DPH6: variants seen among roughly 807,000 people sequenced by gnomAD.
DPH6 encodes the protein diphthamine biosynthesis 6.
Under a neutral mutation model 38.2 loss-of-function variants are expected in DPH6, and 33 were observed. The observed-to-expected ratio is 0.86, with a 90% CI of 0.65 to 1.15. DPH6 has a LOEUF of 1.15. DPH6 is among the 50% of genes most tolerant of loss of function. The pLI is 0.00. For synonymous variants in DPH6, 108 were observed against 103.0 expected, an observed-to-expected ratio of 1.05 and a Z score of -0.30; for missense variants, 325 against 320.0, an observed-to-expected ratio of 1.02 and a Z score of -0.12.
chr15:35,489,595 A>G (rs1040583746), intron 3 of DPH6: 14 of 982,564 alleles, frequency 1.4e-5, no homozygotes, highest in Non-Finnish European at 1.7e-5. Context: ...AAAAATACCT[A>G]CCCAAGAGCA....
intron 3 of DPH6, chr15:35,237,597 C>G (rs975859271): frequency 6.3e-7 from 1 of 1,592,466 alleles, no homozygotes; most frequent in Non-Finnish European, 8.6e-7. Flanking sequence ...CCGAACCTCA[C>G]GCATCTAAAT....
At chr15:35,200,169 T>C in the DPH6 span, among the ~76,000 whole-genome samples, 1 of 152,048 alleles carries the variant, frequency 6.6e-6, no homozygotes, top group African/African-American at 2.4e-5. Flanking sequence ...GAAAGAAAGA[T>C]GATGAGAGAG....
At chr15:35,303,731 T>C (rs1374821722) in intron 3 of DPH6, among the ~76,000 whole-genome samples, 1 of 151,744 alleles carries the variant, frequency 6.6e-6, no homozygotes, top group Non-Finnish European at 1.5e-5. Flanking sequence ...TAGTGTCTAT[T>C]TACTCTTCAT....
chr15:35,494,389 C>T (rs1490593741), intron 3 of DPH6, among the ~76,000 whole-genome samples: 1 of 152,040 alleles, frequency 6.6e-6, no homozygotes, highest in Non-Finnish European at 1.5e-5. Flanking sequence ...AGCAAAGTAT[C>T]TAGAGGAGTC....
chr15:35,487,118 A>T (rs775361251), intron 3 of DPH6, among the ~76,000 whole-genome samples: 2 of 152,106 alleles, frequency 1.3e-5, no homozygotes, highest in African/African-American at 2.4e-5. Flanking sequence ...TGTAGGGTTA[A>T]AGCTCCTGCA....
chr15:35,436,822 CCT>C (rs1488859737), intron 5 of DPH6, among the ~76,000 whole-genome samples: 1 of 150,832 alleles, frequency 6.6e-6, no homozygotes, highest in Non-Finnish European at 1.5e-5. Flanking sequence ...TTTTTCTCCC[CCT>C]TTTAGAGGAC....
chr15:35,152,498 T>TG, the DPH6 span, among the ~76,000 whole-genome samples: 1 of 152,174 alleles, frequency 6.6e-6, no homozygotes, highest in Non-Finnish European at 1.5e-5. Context: ...TTTGTTTGTT[T>TG]TTTGTTTTTT....
At chr15:35,343,284 T>C (rs1365842061) in intron 3 of DPH6, among the ~76,000 whole-genome samples, 2 of 152,172 alleles carry the variant, frequency 1.3e-5, no homozygotes, top group African/African-American at 4.8e-5. Flanking sequence ...ATTGTTTTCA[T>C]TTAAATTATT....
intron 3 of DPH6, among the ~76,000 whole-genome samples, chr15:35,500,507 T>C (rs936043709): frequency 7.9e-5 from 12 of 152,192 alleles, no homozygotes; most frequent in Non-Finnish European, 1.8e-4. Flanking sequence ...GAATCCTTTT[T>C]GTGATTTGAA....
At chr15:35,380,193 C>A (rs992210890) in intron 7 of DPH6, among the ~76,000 whole-genome samples, 6 of 152,330 alleles carry the variant, frequency 3.9e-5, no homozygotes, top group African/African-American at 1.4e-4. Flanking sequence ...CAGAGCAGGG[C>A]AGCAACTTGC....
intron 3 of DPH6, among the ~76,000 whole-genome samples, chr15:35,255,217 G>A (rs1485169183): frequency 1.3e-5 from 2 of 152,170 alleles, no homozygotes; most frequent in Non-Finnish European, 2.9e-5. Flanking sequence ...CCATTATGAC[G>A]ACATATTTAG....
At chr15:35,532,553 T>C (rs970400816) in intron 3 of DPH6, among the ~76,000 whole-genome samples, 1 of 152,140 alleles carries the variant, frequency 6.6e-6, no homozygotes, top group Non-Finnish European at 1.5e-5. Flanking sequence ...ACTTAGATGA[T>C]GAGGTAAATG....
intron 3 of DPH6, among the ~76,000 whole-genome samples, chr15:35,359,717 G>T (rs1377299270): frequency 6.6e-6 from 1 of 152,172 alleles, no homozygotes; most frequent in Non-Finnish European, 1.5e-5. Flanking sequence ...TCACAGTTTT[G>T]GGCGGGGGGA....
chr15:35,160,985 T>A, the DPH6 span, among the ~76,000 whole-genome samples: 3 of 151,932 alleles, frequency 2.0e-5, no homozygotes, highest in African/African-American at 7.2e-5. Context: ...CACCAGGGAC[T>A]GTTGTGGGGT....
chr15:35,186,147 A>AT, the DPH6 span, among the ~76,000 whole-genome samples: 1 of 152,152 alleles, frequency 6.6e-6, no homozygotes, highest in Non-Finnish European at 1.5e-5. Flanking sequence ...TCCTAGCCAT[A>AT]TACCCTACTA....
intron 6 of DPH6, among the ~76,000 whole-genome samples, chr15:35,399,928 C>T (rs541556272): frequency 6.6e-6 from 1 of 152,198 alleles, no homozygotes; most frequent in Admixed American, 6.5e-5. Flanking sequence ...AAGGAAAACA[C>T]TGGATCCAGG....
intron 3 of DPH6, among the ~76,000 whole-genome samples, chr15:35,232,248 T>C (rs977765392): frequency 6.6e-6 from 1 of 152,172 alleles, no homozygotes; most frequent in African/African-American, 2.4e-5. Flanking sequence ...TGGAAGGATA[T>C]TGTGATCACT....
intron 3 of DPH6, chr15:35,522,375 G>C (rs1301600614): frequency 2.5e-6 from 3 of 1,217,146 alleles, no homozygotes; most frequent in Non-Finnish European, 3.4e-6. Flanking sequence ...CACCAGTCAG[G>C]CTGTCTCTGC....
intron 3 of DPH6, among the ~76,000 whole-genome samples, chr15:35,245,641 T>C (rs1040879905): frequency 6.6e-6 from 1 of 152,208 alleles, no homozygotes; most frequent in African/African-American, 2.4e-5. Context: ...GGAAGGTTGA[T>C]TTCATTTTCC....
Sources: gnomAD v4.1 joint callset for allele counts (sites outside exome capture counted in the v4.1 genomes callset) on GRCh38, gnomAD v4.1.1 for gene constraint, MANE v1.5 for transcripts, NCBI Gene and HGNC (gene_info 2026-07-23, HGNC 2026-07-21) for gene names.